CPQ: variants seen among roughly 807,000 people sequenced by gnomAD.
CPQ encodes the protein Ser-Met dipeptidase.
A neutral mutation model predicts 45.7 loss-of-function variants in CPQ; 37 were observed. The observed-to-expected ratio is 0.81, with a 90% CI of 0.62 to 1.07. The LOEUF (loss-of-function observed/expected upper bound fraction) is 1.07. Among genes scored for constraint, CPQ ranks in the 50% least tolerant of loss-of-function variants. The pLI is 0.00. For synonymous variants in CPQ, 186 were observed against 205.8 expected, an observed-to-expected ratio of 0.90 and a Z score of 0.82; for missense variants, 537 against 572.9, an observed-to-expected ratio of 0.94 and a Z score of 0.64.
In CPQ at chr8:96,792,370, C is replaced by T. The variant is rs112447126; in HGVS notation, c.433+7040C>T. On this transcript the variant is annotated intron_variant, in intron 2 of 7. Coordinates refer to ENST00000220763, the MANE Select transcript of CPQ (RefSeq NM_016134.4). Reference sequence around the variant, plus strand: ...GAAAGAGGAACTTGGGCAGACTATGCGGTTCTTTCCCAGCAGACATAACTC... The same window carrying T: ...GAAAGAGGAACTTGGGCAGACTATGTGGTTCTTTCCCAGCAGACATAACTC... Among the ~76,000 whole-genome samples, 718 of 152,314 alleles carry T rather than the reference C, an allele frequency of 4.7e-3. 5 individuals are homozygous for T. Among genetic ancestry groups the T allele is most frequent in the African/African-American group, 0.016 (659 of 41,586 alleles).
chr8:96,696,185 G>T (rs773086083), intron 1 of CPQ, among the ~76,000 whole-genome samples: 3 of 147,858 alleles, frequency 2.0e-5, no homozygotes, highest in Non-Finnish European at 4.5e-5. Flanking sequence ...GTAAACTATC[G>T]CAAGAACAAA....
At position 96,800,602 on chromosome 8, in the gene CPQ, G is replaced by A. The variant is rs188698935; in HGVS notation, c.433+15272G>A. On this transcript the variant is annotated intron_variant, in intron 2 of 7. Transcript: ENST00000220763. ...GTGGACATATAAAATATGATGGATG[G>A]CCCCAGGGACTATGACAAAACAGTT... is the stretch of plus-strand genomic sequence containing the variant. Among the ~76,000 whole-genome samples, 348 of 152,176 alleles carry A rather than the reference G, an allele frequency of 2.3e-3. 4 individuals are homozygous for A. Among genetic ancestry groups the A allele is most frequent in the African/African-American group, 8.2e-3 (340 of 41,514 alleles).
At chr8:96,737,660 C>A (rs1477287915) in intron 1 of CPQ, among the ~76,000 whole-genome samples, 2 of 152,084 alleles carry the variant, frequency 1.3e-5, no homozygotes, top group African/African-American at 4.8e-5. Context: ...ATGTTAATCA[C>A]TTTTGGCAAC....
intron 3 of CPQ, among the ~76,000 whole-genome samples, chr8:96,839,364 A>G (rs1811574691): frequency 6.6e-6 from 1 of 152,052 alleles, no homozygotes. Context: ...CTTTACTTCT[A>G]GGAGATATTC....
chr8:97,073,524 C>T (rs777731044), intron 7 of CPQ, among the ~76,000 whole-genome samples: 3 of 152,190 alleles, frequency 2.0e-5, no homozygotes, highest in Non-Finnish European at 2.9e-5. Flanking sequence ...CTTCGCCCTA[C>T]TGGGAACATG....
At chr8:96,724,135 T>C (rs1809801297) in intron 1 of CPQ, among the ~76,000 whole-genome samples, 1 of 150,582 alleles carries the variant, frequency 6.6e-6, no homozygotes, top group African/African-American at 2.4e-5. Context: ...CTGTATGCAT[T>C]CTCTCTCTCT....
rs543992057 is a variant in CPQ at position 96,814,183 on chromosome 8, T to A, written c.434-20790T>A. Among the ~76,000 whole-genome samples, 13 of 152,266 alleles carry A rather than the reference T, an allele frequency of 8.5e-5. 1 individual carries two copies. The South Asian group carries it at 2.7e-3, about 32-fold the overall frequency. ...AATTTCAATAAATTAGATTTTAATT[T>A]TTTTTTAATGAACAGAAAGCCAATT... On this transcript the variant is annotated intron_variant, in intron 2 of 7. Transcript: ENST00000220763.
At chr8:96,667,806 CCT>C (rs1227893585) in intron 1 of CPQ, among the ~76,000 whole-genome samples, 1 of 152,124 alleles carries the variant, frequency 6.6e-6, no homozygotes, top group Non-Finnish European at 1.5e-5. Context: ...TGTCTGAAGT[CCT>C]GTCTCTTATA....
chr8:97,142,889 G>A, intron 7 of CPQ, 131 bp from the exon 8 acceptor site: 3 of 755,080 alleles, frequency 4.0e-6, no homozygotes, highest in East Asian at 5.5e-5. Context: ...CAGCAAGAGA[G>A]CCTGGAAAAG....
intron 1 of CPQ, among the ~76,000 whole-genome samples, chr8:96,709,292 T>C (rs533724098): frequency 3.5e-4 from 54 of 152,242 alleles, no homozygotes; most frequent in Admixed American, 1.0e-3. Context: ...TATACCAAGC[T>C]GTATGCCTTT....
chr8:96,963,479 G>A (rs746557214), intron 4 of CPQ, among the ~76,000 whole-genome samples: 36 of 152,134 alleles, frequency 2.4e-4, no homozygotes, highest in Non-Finnish European at 3.5e-4. Context: ...GACTGGGTCC[G>A]TATGTAAGTC....
At chr8:96,879,731 G>A in intron 3 of CPQ, 67 bp from the exon 4 acceptor site, 1 of 1,121,032 alleles carries the variant, frequency 8.9e-7, no homozygotes, top group Non-Finnish European at 1.4e-6. Context: ...CAATATACAG[G>A]TGCTTTCAAA....
At chr8:96,810,868 T>C (rs1811152977) in intron 2 of CPQ, among the ~76,000 whole-genome samples, 1 of 152,220 alleles carries the variant, frequency 6.6e-6, no homozygotes, top group South Asian at 2.1e-4. Flanking sequence ...TTGTTTTATT[T>C]AGCTTTGGGT....
chr8:97,033,790 G>A (rs1374268959), intron 6 of CPQ, among the ~76,000 whole-genome samples: 1 of 151,902 alleles, frequency 6.6e-6, no homozygotes, highest in Non-Finnish European at 1.5e-5. Context: ...TTTCAACAGC[G>A]AAAGTTCTAC....
chr8:96,894,920 A>G (rs937265689), intron 4 of CPQ, among the ~76,000 whole-genome samples: 3 of 152,242 alleles, frequency 2.0e-5, no homozygotes, highest in South Asian at 4.1e-4. Flanking sequence ...TTAACATTTT[A>G]TAACCAATTA....
chr8:96,986,940 C>G (rs1808996819), intron 5 of CPQ, among the ~76,000 whole-genome samples: 1 of 152,020 alleles, frequency 6.6e-6, no homozygotes, highest in Admixed American at 6.6e-5. Context: ...AATATAGATA[C>G]AGAGACCAAA....
intron 1 of CPQ, among the ~76,000 whole-genome samples, chr8:96,704,250 G>A (rs1242967835): frequency 2.6e-5 from 4 of 152,026 alleles, no homozygotes; most frequent in Non-Finnish European, 5.9e-5. Flanking sequence ...TTGCCTTTTT[G>A]CTCATTTGCT....
chr8:96,736,459 C>T (rs1260401852), intron 1 of CPQ, among the ~76,000 whole-genome samples: 1 of 152,150 alleles, frequency 6.6e-6, no homozygotes. Context: ...CCCCAAGAAC[C>T]AAAAGTTTTG....
chr8:97,106,420 A>C (rs563903561), intron 7 of CPQ, among the ~76,000 whole-genome samples: 1 of 152,308 alleles, frequency 6.6e-6, no homozygotes, highest in East Asian at 1.9e-4. Context: ...TTTATTGAGC[A>C]CCTACTATGT....
Sources: gnomAD v4.1 joint callset for allele counts (sites outside exome capture counted in the v4.1 genomes callset) on GRCh38, gnomAD v4.1.1 for gene constraint, MANE v1.5 for transcripts, NCBI Gene and HGNC (gene_info 2026-07-23, HGNC 2026-07-21) for gene names.